TRIOBP: variants seen among roughly 807,000 people sequenced by gnomAD.
TRIOBP encodes TRIO and F-actin-binding protein.
A neutral mutation model predicts 238.8 loss-of-function variants in TRIOBP; 169 were observed. That is an observed-to-expected ratio of 0.71 (90% confidence interval 0.62 to 0.80). TRIOBP has a LOEUF of 0.80. Ranked by LOEUF, TRIOBP falls within the 30% of genes least tolerant of loss-of-function variation. The pLI is 0.00. For synonymous variants in TRIOBP, 1,150 were observed against 1,274.4 expected, an observed-to-expected ratio of 0.90 and a Z score of 2.08; for missense variants, 2,838 against 3,122.6, an observed-to-expected ratio of 0.91 and a Z score of 2.17.
intron 7 of TRIOBP, among the ~76,000 whole-genome samples, chr22:37,732,206 C>G (rs1601637556): frequency 1.3e-5 from 2 of 152,232 alleles, no homozygotes; most frequent in African/African-American, 4.8e-5. Context: ...TTCTACCTGT[C>G]AATAGAGATA....
At chr22:37,716,130 G>A (rs1355180191) in intron 6 of TRIOBP, among the ~76,000 whole-genome samples, 196 bp downstream of exon 6, 1 of 152,110 alleles carries the variant, frequency 6.6e-6, no homozygotes. Flanking sequence ...ATTATTATTT[G>A]GGATGGAGTC....
intron 21 of TRIOBP, 110 bp from the exon 22 acceptor site, chr22:37,771,540 G>C: frequency 1.1e-6 from 1 of 930,750 alleles, no homozygotes; most frequent in South Asian, 1.3e-5. Flanking sequence ...TGTGCAGATA[G>C]GGGCTGCATT....
intron 4 of TRIOBP, among the ~76,000 whole-genome samples, chr22:37,712,784 A>G (rs531205622): frequency 2.7e-4 from 41 of 151,624 alleles, no homozygotes; most frequent in African/African-American, 9.2e-4. Context: ...GTGAAACCCC[A>G]TCTCTACTAA....
intron 11 of TRIOBP, among the ~76,000 whole-genome samples, chr22:37,742,364 G>A (rs895714787): frequency 1.3e-5 from 2 of 150,318 alleles, no homozygotes; most frequent in African/African-American, 2.4e-5. Context: ...CCAGGTTCAA[G>A]CGATTCTGCC....
In TRIOBP at chr22:37,757,821, C is replaced by G. The variant is rs1300365369; in HGVS notation, c.5896C>G (p.Pro1966Ala). Residue 1966 changes from proline to alanine, a missense_variant, in exon 16 of 24, where the codon CCT becomes GCT. Transcript: ENST00000644935. Reference protein sequence around the residue: ...PQRARTPARTPDRLAKQEELE... With the variant: ...PQRARTPARTADRLAKQEELE... ...GCGGGCCCGCACCCCAGCCCGCACT[C>G]CTGACCGCCTGGCCAAGCAGGAGGA... 2 of 1,549,196 alleles carry G rather than the reference C, an allele frequency of 1.3e-6. No individual in the cohort carries two copies. The highest frequency in any genetic ancestry group is 4.9e-5 in the East Asian group (2 of 40,954).
chr22:37,758,298 T>A (rs998069406), intron 16 of TRIOBP, among the ~76,000 whole-genome samples, 160 bp downstream of exon 16: 2 of 152,246 alleles, frequency 1.3e-5, no homozygotes, highest in African/African-American at 4.8e-5. Flanking sequence ...ACTAGAATCT[T>A]CTTCCTTAGA....
rs778524369 is a variant in TRIOBP at position 37,726,173 on chromosome 22, T to C, written c.3617T>C (p.Leu1206Pro). 4.2e-5 allele frequency: 66 copies of C among 1,577,134 alleles called. No individual in the cohort carries two copies. The highest frequency in any genetic ancestry group is 5.4e-5 in the Admixed American group (3 of 56,014). ...AGCCTGGCCCCCTCCACTGACTCTC[T>C]GCATGGCTCCCCAGTGCTGATCCCC... is the stretch of plus-strand genomic sequence containing the variant. ...MESLAPSTDS[L>P]HGSPVLIPQV... The change falls in exon 7 of 24, where the codon CTG becomes CCG. Residue 1206 changes from leucine (L) to proline (P), a missense_variant. Physicochemically the swap from Leu to Pro is moderately conservative, Grantham distance 98 (BLOSUM62 -3). This residue lies in a region of TRIOBP where 2,096 missense variants were observed against 2,137.4 expected (regional missense o/e 0.98). Transcript: ENST00000644935.
At chr22:37,750,429 A>G (rs1302380075) in intron 11 of TRIOBP, among the ~76,000 whole-genome samples, 1 of 152,202 alleles carries the variant, frequency 6.6e-6, no homozygotes, top group Non-Finnish European at 1.5e-5. Context: ...GCTGTGGTCA[A>G]GCCCCCTGCA....
At chr22:37,699,755 G>A (rs964120832) in intron 2 of TRIOBP, among the ~76,000 whole-genome samples, 1 of 152,126 alleles carries the variant, frequency 6.6e-6, no homozygotes, top group African/African-American at 2.4e-5. Context: ...TGGCCAGGCT[G>A]GTCTCGAACT....
At chr22:37,736,872 C>A (rs949150389) in intron 9 of TRIOBP, among the ~76,000 whole-genome samples, 1 of 152,164 alleles carries the variant, frequency 6.6e-6, no homozygotes, top group African/African-American at 2.4e-5. Flanking sequence ...GGTGATGCAT[C>A]CACCTTGGCC....
In TRIOBP at chr22:37,701,497, G is replaced by C; in HGVS notation, c.114+18G>C. On this transcript the variant is annotated intron_variant, in intron 3 of 23. Transcript: ENST00000644935. ...GATACCAGGTGGGCCAGTTTTCCAC[G>C]TGGTTGGGGTGGTTTGTGATGGGGG... 1 of 1,574,386 alleles carries C rather than the reference G, an allele frequency of 6.4e-7. No individual in the cohort carries two copies. The highest frequency in any genetic ancestry group is 8.7e-7 in the Non-Finnish European group (1 of 1,151,650).
chr22:37,759,588 G>A (rs1926135258), intron 17 of TRIOBP: 1 of 1,579,844 alleles, frequency 6.3e-7, no homozygotes, highest in Non-Finnish European at 8.5e-7. Flanking sequence ...TCTGCACTTG[G>A]ACCCTTGCCC....
At chr22:37,705,502 A>C (rs538182702) in intron 3 of TRIOBP, among the ~76,000 whole-genome samples, 1 of 151,264 alleles carries the variant, frequency 6.6e-6, no homozygotes, top group African/African-American at 2.4e-5. Context: ...GAATGGGGGG[A>C]GGCCTGGTCT....
At chr22:37,727,673 AAAAAT>A (rs1480919958) in intron 7 of TRIOBP, among the ~76,000 whole-genome samples, 2 of 152,130 alleles carry the variant, frequency 1.3e-5, no homozygotes, top group African/African-American at 2.4e-5. Flanking sequence ...ATCTAAAAAT[AAAAAT>A]AAAATAAAAA....
chr22:37,767,288 GAGTGAGACTCTGTCTC>G (rs1193548143), intron 18 of TRIOBP, among the ~76,000 whole-genome samples: 2 of 78,250 alleles, frequency 2.6e-5, no homozygotes, highest in Non-Finnish European at 6.5e-5. Flanking sequence ...CTGGGTGACA[GAGTGAGACTCTGTCTC>G]AAAAAAAAAA....
Position 37,723,196 on chromosome 22 carries a change from G to T in TRIOBP, c.640G>T (p.Gly214Trp), listed in dbSNP as rs758610718. ...AGQKKEDTGG[G>W]GRSAGQHWAR... ...TCTTCTCTCTCCAGACACCGGCGGT[G>T]GGGGCCGGAGCGCAGGACAGCACTG... is the stretch of plus-strand genomic sequence containing the variant. The change falls in exon 7 of 24, where the codon GGG (glycine) becomes TGG (tryptophan). Residue 214 changes from glycine (G) to tryptophan (W), a missense_variant. By Grantham distance (184) the Gly-to-Trp change is radical. This residue lies in a region of TRIOBP where 535 missense variants were observed against 537.3 expected (regional missense o/e 1.00). Transcript: ENST00000644935. 13 of 1,613,680 alleles carry T rather than the reference G, an allele frequency of 8.1e-6. No individual in the cohort carries two copies. The South Asian group carries it at 1.3e-4, about 16-fold the overall frequency.
chr22:37,741,113 A>T, intron 11 of TRIOBP, 81 bp downstream of exon 11: 1 of 1,519,736 alleles, frequency 6.6e-7, no homozygotes, highest in Non-Finnish European at 8.8e-7. Context: ...TGTTAAGCAA[A>T]GGAGAGAGAG....
chr22:37,705,928 C>G lies in TRIOBP; in HGVS notation c.114+4449C>G, dbSNP rs989728181. On this transcript the variant is annotated intron_variant, in intron 3 of 23. Transcript: ENST00000644935. ...GTGACGTGCTCTGATTTGCATTTTT[C>G]ACAGTCACTCTGATTGCTGGGCAGA... 3.3e-5 allele frequency among the ~76,000 whole-genome samples: 5 copies of G among 152,100 alleles called. No individual in the cohort carries two copies. In the East Asian group the frequency reaches 9.6e-4, roughly 29 times the overall value.
chr22:37,723,797 C>T lies in TRIOBP; in HGVS notation c.1241C>T (p.Ala414Val), dbSNP rs547909720. 3.0e-5 allele frequency: 42 copies of T among 1,417,816 alleles called. No individual in the cohort carries two copies. The highest frequency in any genetic ancestry group is 3.5e-5 in the Non-Finnish European group (35 of 1,009,226). 87.8% of individuals were successfully genotyped at this position (1,417,816 alleles called of 1,614,324 possible). The change falls in exon 7 of 24, where the codon GCC becomes GTC. Residue 414 changes from alanine to valine, a missense_variant. Ala to Val is a moderately conservative substitution (Grantham distance 64). This residue lies in a region of TRIOBP where 535 missense variants were observed against 537.3 expected (regional missense o/e 1.00). Coordinates refer to ENST00000644935, the MANE Select transcript of TRIOBP (RefSeq NM_001039141.3). ...TGTGCCCAGCGGGACAATCCCAAAG[C>T]CTCCAGAACCTCCTCTCCCAATAGA... ...TSCAQRDNPK[A>V]SRTSSPNRAT... is the part of the protein sequence containing the mutation.
Sources: allele counts gnomAD v4.1 joint callset (sites outside exome capture counted in the v4.1 genomes callset), GRCh38; gene constraint gnomAD v4.1.1; regional missense constraint gnomAD v4.1.1; transcripts MANE v1.5; gene names NCBI Gene and HGNC (gene_info 2026-07-23, HGNC 2026-07-21).